The following GLG1 variants were observed in gnomAD, a reference collection of about 807,000 sequenced individuals.
The protein encoded by GLG1 is Golgi apparatus protein 1.
A neutral mutation model predicts 160.5 loss-of-function variants in GLG1; 38 were observed. The observed-to-expected ratio is 0.24, with a 90% CI of 0.18 to 0.31. GLG1 has a LOEUF of 0.31. Ranked by LOEUF, GLG1 falls within the 10% of genes least tolerant of loss-of-function variation. The pLI is 1.00. For synonymous variants in GLG1, 644 were observed against 543.4 expected (o/e 1.19, Z -2.57); for missense variants, 1,373 against 1,505.2 (o/e 0.91, Z 1.45).
chr16:74,513,510 G>A (rs1448573388), intron 2 of GLG1, among the ~76,000 whole-genome samples: 1 of 152,152 alleles, frequency 6.6e-6, no homozygotes, highest in Non-Finnish European at 1.5e-5. Flanking sequence ...AACAGGGTCT[G>A]GAATGGACTT....
At chr16:74,490,536 C>T (rs1455223548) in intron 8 of GLG1, among the ~76,000 whole-genome samples, 4 of 152,146 alleles carry the variant, frequency 2.6e-5, no homozygotes, top group Non-Finnish European at 4.4e-5. Flanking sequence ...TCATGCCATG[C>T]GGTAAATTAG....
intron 2 of GLG1, among the ~76,000 whole-genome samples, chr16:74,523,734 CTTG>C (rs2017245971): frequency 2.0e-5 from 3 of 151,684 alleles, no homozygotes; most frequent in South Asian, 2.1e-4. Flanking sequence ...TTAAAATTGG[CTTG>C]TTAATAATAT....
chr16:74,595,187 CA>C (rs1005518990), intron 1 of GLG1, among the ~76,000 whole-genome samples: 1 of 147,158 alleles, frequency 6.8e-6, no homozygotes, highest in African/African-American at 2.5e-5. Context: ...GAATCCGTCT[CA>C]AAAAAAAATA....
intron 1 of GLG1, among the ~76,000 whole-genome samples, chr16:74,605,977 G>C (rs1160875604): frequency 6.6e-6 from 1 of 152,134 alleles, no homozygotes; most frequent in African/African-American, 2.4e-5. Context: ...GACAAATGTA[G>C]ATTTCATTAA....
chr16:74,526,046 G>T (rs1197186768), intron 2 of GLG1, among the ~76,000 whole-genome samples: 2 of 152,096 alleles, frequency 1.3e-5, no homozygotes, highest in African/African-American at 4.8e-5. Flanking sequence ...TAAATAAATA[G>T]AAGTTATTCA....
At chr16:74,519,487 T>C (rs1216273827) in intron 2 of GLG1, among the ~76,000 whole-genome samples, 1 of 150,132 alleles carries the variant, frequency 6.7e-6, no homozygotes, top group African/African-American at 2.5e-5. Flanking sequence ...GTATAATAAT[T>C]AAAAAAAAGT....
intron 2 of GLG1, among the ~76,000 whole-genome samples, chr16:74,512,750 G>C (rs2016854767): frequency 6.6e-6 from 1 of 151,456 alleles, no homozygotes; most frequent in African/African-American, 2.4e-5. Flanking sequence ...AAAGAAGGAA[G>C]AGTCAGGTTG....
intron 2 of GLG1, among the ~76,000 whole-genome samples, chr16:74,524,959 T>C (rs375258205): frequency 1.3e-4 from 20 of 152,368 alleles, no homozygotes; most frequent in African/African-American, 4.1e-4. Context: ...TTGAGGTTCA[T>C]CCATGTTGTA....
chr16:74,512,371 C>A (rs557500077), intron 2 of GLG1, among the ~76,000 whole-genome samples: 2 of 151,602 alleles, frequency 1.3e-5, no homozygotes, highest in East Asian at 3.9e-4. Context: ...TCAAGCAATT[C>A]TCCTGCCTCA....
rs1163172488 is a variant in GLG1 at position 74,447,686 on chromosome 16, C to G, written c.*5481G>C. On this transcript the variant is annotated 3_prime_UTR_variant, in exon 26 of 26. Coordinates refer to ENST00000422840, the MANE Select transcript of GLG1 (RefSeq NM_001145667.2). ...GTGAAAAGCCTAAGATCTCACACAGCATTTGCTGTACAGACTGTTTTCCGG... is the reference window on the plus strand; with the variant it reads ...GTGAAAAGCCTAAGATCTCACACAGGATTTGCTGTACAGACTGTTTTCCGG... 1.3e-5 allele frequency: 2 copies of G among 152,246 alleles called. No homozygotes were observed. Among genetic ancestry groups the G allele is most frequent in the Non-Finnish European group, 2.9e-5 (2 of 68,058 alleles). The allele number at this position is 152,246 out of a possible 1,614,324, so 9.4% of individuals were successfully genotyped here.
At chr16:74,499,371 G>C (rs1235626246) in intron 4 of GLG1, among the ~76,000 whole-genome samples, 1 of 152,164 alleles carries the variant, frequency 6.6e-6, no homozygotes, top group Non-Finnish European at 1.5e-5. Context: ...CTCCCAAGCA[G>C]CTGGGACTAG....
chr16:74,549,669 G>A (rs987677615), intron 1 of GLG1, among the ~76,000 whole-genome samples: 5 of 151,966 alleles, frequency 3.3e-5, no homozygotes, highest in African/African-American at 1.2e-4. Flanking sequence ...ACTAGACAAA[G>A]CTGGTGAACA....
At chr16:74,584,994 A>C (rs1382430113) in intron 1 of GLG1, among the ~76,000 whole-genome samples, 2 of 152,152 alleles carry the variant, frequency 1.3e-5, no homozygotes, top group Non-Finnish European at 2.9e-5. Context: ...AAATCTCAGA[A>C]ATCACCACTA....
Position 74,461,466 on chromosome 16 carries a change from C to CTTT in GLG1, c.3036+625_3036+627dup, listed in dbSNP as rs34176824. ...ACAGGGGTGAACCACCTCGCCCGGG[C>CTTT]TTTTTTTTTTTTTTTTTTTTTTGAG... On this transcript the variant is annotated intron_variant, in intron 22 of 25. Coordinates refer to ENST00000422840, the MANE Select transcript of GLG1 (RefSeq NM_001145667.2). 8.8e-3 allele frequency: 592 copies of CTTT among 67,086 alleles called. 24 individuals carry two copies. Among genetic ancestry groups the CTTT allele is most frequent in the Non-Finnish European group, 0.011 (415 of 37,524 alleles). The allele number at this position is 67,086 out of a possible 1,614,324, so 4.2% of individuals were successfully genotyped here.
chr16:74,507,960 T>C (rs11645167), intron 3 of GLG1, among the ~76,000 whole-genome samples: 146,455 of 152,104 alleles, frequency 0.96, 70,740 homozygotes, highest in Non-Finnish European at 1. Flanking sequence ...TTTTCAACGA[T>C]ATGCCTTTCT....
intron 23 of GLG1, 129 bp downstream of exon 23, chr16:74,459,553 A>G (rs1209457392): frequency 1.5e-6 from 1 of 651,360 alleles, no homozygotes; most frequent in Non-Finnish European, 2.7e-6. Context: ...GAACAGCAAG[A>G]AAAGAGTGCT....
Position 74,492,975 on chromosome 16 carries a change from C to G in GLG1, c.1216G>C (p.Glu406Gln). The G allele has an allele frequency of 6.2e-7, 1 of 1,611,786 alleles. No individual in the cohort carries two copies. Among genetic ancestry groups the G allele is most frequent in the Non-Finnish European group, 8.5e-7 (1 of 1,178,768 alleles). ...ARLSYLLMCL[E>Q]SAVHRGRQVS... ...ATGCTACCTCTGTGTACAGCTGACT[C>G]CAGGCACATTAACAAGTAGGAGAGC... The change falls in exon 7 of 26, where the codon GAG (glutamate) becomes CAG (glutamine). Residue 406 changes from glutamate to glutamine, a missense_variant. Physicochemically the swap from Glu to Gln is conservative, Grantham distance 29. Coordinates refer to ENST00000422840, the MANE Select transcript of GLG1 (RefSeq NM_001145667.2).
chr16:74,572,527 C>CAA lies in GLG1; in HGVS notation c.438+34128_438+34129dup, dbSNP rs35659060. On this transcript the variant is annotated intron_variant, in intron 1 of 25. Transcript: ENST00000422840. ...GACTCTGTCTCAAAAAAAAAACAAA[C>CAA]AAAAAAAAAAAAACACAAAACACCC... Among the ~76,000 whole-genome samples the CAA allele has an allele frequency of 1.6e-3, 200 of 127,466 alleles. 4 individuals are homozygous for CAA. Among genetic ancestry groups the CAA allele is most frequent in the Non-Finnish European group, 7.3e-4 (44 of 59,894 alleles). The allele number at this position is 127,466 out of a possible 152,430, so 83.6% of individuals were successfully genotyped here. A position where few individuals can be genotyped will look rare whatever the true frequency, so the allele number is the denominator to read the frequency against.
intron 1 of GLG1, among the ~76,000 whole-genome samples, chr16:74,540,966 T>A (rs1343974913): frequency 6.6e-6 from 1 of 152,052 alleles, no homozygotes; most frequent in Non-Finnish European, 1.5e-5. Flanking sequence ...AGGAAATACA[T>A]CAAAAAGGTC....
Sources: allele counts gnomAD v4.1 joint callset (sites outside exome capture counted in the v4.1 genomes callset), GRCh38; gene constraint gnomAD v4.1.1; transcripts MANE v1.5; gene names NCBI Gene and HGNC (gene_info 2026-07-23, HGNC 2026-07-21).